GPR158: variants seen among roughly 807,000 people sequenced by gnomAD.
GPR158 encodes metabotropic glycine receptor.
GPR158 carries 30 observed loss-of-function variants against 78.2 expected under a neutral mutation model. That is an observed-to-expected ratio of 0.38 (90% confidence interval 0.29 to 0.52). The LOEUF is 0.52. Ranked by LOEUF, GPR158 falls within the 20% of genes least tolerant of loss-of-function variation. The pLI, the probability that GPR158 is intolerant of heterozygous loss-of-function variation, is 0.83. For missense variants in GPR158, 1,463 were observed against 1,523.5 expected, an observed-to-expected ratio of 0.96 and a Z score of 0.66; for synonymous variants, 581 against 591.1, an observed-to-expected ratio of 0.98 and a Z score of 0.25.
At chr10:25,461,538 C>T (rs901730017) in intron 4 of GPR158, among the ~76,000 whole-genome samples, 11 of 152,026 alleles carry the variant, frequency 7.2e-5, no homozygotes, top group South Asian at 2.1e-4. Flanking sequence ...GTGGTTGGTT[C>T]GTGAGGTACA....
At chr10:25,433,586 CGT>C (rs1342812512) in intron 4 of GPR158, among the ~76,000 whole-genome samples, 227 of 145,700 alleles carry the variant, frequency 1.6e-3, no homozygotes, top group African/African-American at 5.6e-3. Flanking sequence ...CGCGCGTGCG[CGT>C]GCGCATATAT....
intron 4 of GPR158, among the ~76,000 whole-genome samples, chr10:25,458,942 T>G (rs1202487688): frequency 2.0e-5 from 3 of 152,240 alleles, no homozygotes. Flanking sequence ...TAATTGTGCC[T>G]TGACAAATTT....
At chr10:25,302,067 C>CTTTTTTTTTTTTTTTTTTTTTTTTT (rs200536212) in intron 2 of GPR158, among the ~76,000 whole-genome samples, 1 of 133,970 alleles carries the variant, frequency 7.5e-6, no homozygotes, top group South Asian at 2.3e-4. Flanking sequence ...TAATTTGTTC[C>CTTTTTTTTTTTTTTTTTTTTTTTTT]TTTTTTTTTT....
intron 2 of GPR158, among the ~76,000 whole-genome samples, chr10:25,391,993 C>A (rs1234439660): frequency 2.6e-5 from 4 of 152,030 alleles, no homozygotes; most frequent in Admixed American, 6.5e-5. Context: ...TTATAAAGGG[C>A]AGTTCTCCTG....
intron 2 of GPR158, among the ~76,000 whole-genome samples, chr10:25,316,933 G>GTGTATATA (rs1554793283): frequency 6.7e-6 from 1 of 148,790 alleles, no homozygotes. Context: ...GTATGTGTGT[G>GTGTATATA]TATATATATA....
At chr10:25,330,023 T>TG (rs1164637370) in intron 2 of GPR158, among the ~76,000 whole-genome samples, 3 of 151,658 alleles carry the variant, frequency 2.0e-5, no homozygotes. Context: ...TCTTTTTTTT[T>TG]TTTGTTATAC....
At chr10:25,239,237 G>A (rs1853571034) in intron 2 of GPR158, among the ~76,000 whole-genome samples, 1 of 152,108 alleles carries the variant, frequency 6.6e-6, no homozygotes, top group Admixed American at 6.5e-5. Flanking sequence ...AAATTCAGGA[G>A]GTATGGAGTG....
At chr10:25,479,280 A>T (rs1345665061) in intron 5 of GPR158, among the ~76,000 whole-genome samples, 3 of 152,144 alleles carry the variant, frequency 2.0e-5, no homozygotes, top group Non-Finnish European at 2.9e-5. Context: ...TCAACTTTAG[A>T]TAGTATCACT....
rs115904894 is a variant in GPR158 at position 25,336,906 on chromosome 10, A to T, written c.1009-59005A>T. ...CTTACTGGTGTAATTCAGTTGTGTC[A>T]GTCAGCCTTTTCTGATGCAGCTAAA... On this transcript the variant is annotated intron_variant, in intron 2 of 10. Coordinates refer to ENST00000376351, the MANE Select transcript of GPR158 (RefSeq NM_020752.3). 4.6e-3 allele frequency among the ~76,000 whole-genome samples: 705 copies of T among 152,238 alleles called. 9 individuals carry two copies. The highest frequency in any genetic ancestry group is 0.016 in the African/African-American group (678 of 41,564).
Position 25,176,855 on chromosome 10 carries a change from A to C in GPR158, c.902+533A>C, listed in dbSNP as rs1416996. On this transcript the variant is annotated intron_variant, in intron 1 of 10. Coordinates refer to ENST00000376351, the MANE Select transcript of GPR158 (RefSeq NM_020752.3). This position sits in a 1 kb window ranked among gnomAD's most constrained non-coding sequence, Gnocchi z 6.3. ...TGTTGTTAGTCAGAGCTTATAATTA[A>C]AACTGTGCCATCTCCTCGCAGTTCC... Among the ~76,000 whole-genome samples the C allele has an allele frequency of 1.5e-4, 23 of 152,280 alleles. No individual in the cohort carries two copies. The highest frequency in any genetic ancestry group is 5.1e-4 in the African/African-American group (21 of 41,550).
At chr10:25,201,740 GT>G (rs916427305) in intron 1 of GPR158, among the ~76,000 whole-genome samples, 3 of 151,282 alleles carry the variant, frequency 2.0e-5, no homozygotes, top group Non-Finnish European at 4.4e-5. Context: ...AGATGATCCT[GT>G]TTTTTTTTAA....
intron 2 of GPR158, among the ~76,000 whole-genome samples, chr10:25,346,747 T>C (rs1296381943): frequency 6.6e-6 from 1 of 151,992 alleles, no homozygotes; most frequent in East Asian, 1.9e-4. Context: ...GAAGGAAATA[T>C]GTCAAAATTT....
Position 25,304,976 on chromosome 10 carries a change from A to G in GPR158, c.1008+83819A>G, listed in dbSNP as rs137862022. On this transcript the variant is annotated intron_variant, in intron 2 of 10. Coordinates refer to ENST00000376351, the MANE Select transcript of GPR158 (RefSeq NM_020752.3). ...TGGAGGTGAGACATTCTGCCTTTCT[A>G]TAGCCCCTGACTCTTAGCTCTTCAA... is the stretch of plus-strand genomic sequence containing the variant. 1.7e-4 allele frequency among the ~76,000 whole-genome samples: 26 copies of G among 152,340 alleles called. No individual in the cohort carries two copies. The South Asian group carries it at 3.1e-3, about 18-fold the overall frequency.
chr10:25,189,169 C>T (rs899678727), intron 1 of GPR158, among the ~76,000 whole-genome samples: 16 of 152,208 alleles, frequency 1.1e-4, no homozygotes, highest in African/African-American at 3.9e-4. Context: ...AATAGGAACA[C>T]TTTTACACTG....
At chr10:25,534,587 A>G (rs1000297261) in intron 5 of GPR158, among the ~76,000 whole-genome samples, 9 of 83,190 alleles carry the variant, frequency 1.1e-4, no homozygotes, top group African/African-American at 2.4e-4. Context: ...CTAAAAATGC[A>G]AAAAAAAAAA....
At chr10:25,373,143 G>C (rs10828787) in intron 2 of GPR158, among the ~76,000 whole-genome samples, 97,892 of 151,694 alleles carry the variant, frequency 0.65, 32,551 homozygotes, top group Non-Finnish European at 0.73. Flanking sequence ...CCTGTCCTCT[G>C]TAGCAGCATG....
chr10:25,575,691 C>T (rs565895484), intron 7 of GPR158, among the ~76,000 whole-genome samples: 6 of 152,098 alleles, frequency 3.9e-5, no homozygotes, highest in Admixed American at 3.9e-4. Flanking sequence ...TCTTACTGTT[C>T]CCCGATCAAA....
chr10:25,233,899 C>T (rs574446997), intron 2 of GPR158, among the ~76,000 whole-genome samples: 2 of 152,188 alleles, frequency 1.3e-5, no homozygotes, highest in South Asian at 4.1e-4. Context: ...AACAATGACC[C>T]TCTTCTTGCT....
intron 7 of GPR158, among the ~76,000 whole-genome samples, chr10:25,579,594 T>C (rs1432695903): frequency 1.2e-4 from 18 of 152,120 alleles, no homozygotes; most frequent in Admixed American, 1.1e-3. Context: ...CTAGAACAAG[T>C]GGGCAGATTC....
Sources: gnomAD v4.1 joint callset for allele counts (sites outside exome capture counted in the v4.1 genomes callset) on GRCh38, gnomAD v4.1.1 for gene constraint, Gnocchi (gnomAD v3.1) non-coding constraint, MANE v1.5 for transcripts, NCBI Gene and HGNC (gene_info 2026-07-23, HGNC 2026-07-21) for gene names.